SAMMSON: variants seen among roughly 807,000 people sequenced by gnomAD.
SAMMSON encodes long intergenic non-protein coding RNA 1212.
At chr3:70,039,357 A>C (rs911421863) in intron 3 of SAMMSON, among the ~76,000 whole-genome samples, 5 of 152,058 alleles carry the variant, frequency 3.3e-5, no homozygotes, top group African/African-American at 1.2e-4. Context: ...GTAGACTTTA[A>C]GTAAGCGAAC....
chr3:70,357,799 G>A (rs1702840658), intron 8 of SAMMSON, among the ~76,000 whole-genome samples: 1 of 152,126 alleles, frequency 6.6e-6, no homozygotes, highest in Admixed American at 6.6e-5. Context: ...ACACATAAGT[G>A]ATTCATATGA....
chr3:70,149,062 C>A (rs1336424443), intron 4 of SAMMSON, among the ~76,000 whole-genome samples: 1 of 152,024 alleles, frequency 6.6e-6, no homozygotes, highest in Non-Finnish European at 1.5e-5. Flanking sequence ...TCTAAAGACA[C>A]CAATTTTGGA....
chr3:70,145,918 G>A (rs1295089386), intron 4 of SAMMSON, among the ~76,000 whole-genome samples: 4 of 151,796 alleles, frequency 2.6e-5, no homozygotes, highest in African/African-American at 7.2e-5. Context: ...AACTGAAAGT[G>A]GATTCTTTGA....
chr3:70,052,103 C>CAAAT (rs1184577455), intron 3 of SAMMSON, among the ~76,000 whole-genome samples: 1 of 151,772 alleles, frequency 6.6e-6, no homozygotes, highest in Non-Finnish European at 1.5e-5. Context: ...GTCTCAAAAA[C>CAAAT]AAATAAATAA....
chr3:70,023,499 A>G (rs906353518), intron 3 of SAMMSON, among the ~76,000 whole-genome samples: 2 of 151,624 alleles, frequency 1.3e-5, no homozygotes, highest in Admixed American at 1.3e-4. Context: ...TATATTCTTT[A>G]TTTATAATAT....
At chr3:70,171,549 G>A (rs1200476253) in intron 4 of SAMMSON, among the ~76,000 whole-genome samples, 1 of 151,688 alleles carries the variant, frequency 6.6e-6, no homozygotes, top group Admixed American at 6.6e-5. Context: ...GTATAGTTTT[G>A]GCTGAAATAA....
At chr3:70,316,147 A>C (rs1399231347) in intron 7 of SAMMSON, among the ~76,000 whole-genome samples, 2 of 152,176 alleles carry the variant, frequency 1.3e-5, no homozygotes, top group African/African-American at 2.4e-5. Context: ...CCAGCAGAAG[A>C]TAATCTTTGC....
intron 4 of SAMMSON, among the ~76,000 whole-genome samples, chr3:70,119,336 G>C (rs976155035): frequency 1.3e-5 from 2 of 152,100 alleles, no homozygotes; most frequent in Non-Finnish European, 2.9e-5. Context: ...CAAAGTGCTG[G>C]GATTACAGGC....
chr3:70,010,897 G>A (rs143480350), intron 1 of SAMMSON, among the ~76,000 whole-genome samples: 4 of 152,064 alleles, frequency 2.6e-5, no homozygotes, highest in East Asian at 3.9e-4. Context: ...ATAAGATCTC[G>A]TGAGACTCAC....
intron 3 of SAMMSON, among the ~76,000 whole-genome samples, chr3:70,015,596 G>A (rs561096599): frequency 6.6e-6 from 1 of 152,138 alleles, no homozygotes; most frequent in Admixed American, 6.5e-5. Context: ...TTAAGTTCTA[G>A]GGTACATGTG....
At chr3:70,180,004 A>ATG (rs10555321) in intron 4 of SAMMSON, among the ~76,000 whole-genome samples, 20,919 of 148,026 alleles carry the variant, frequency 0.14, 2,047 homozygotes, top group East Asian at 0.54. Context: ...TGTGCTTCGT[A>ATG]TGTGTGTGTG....
At chr3:70,299,328 G>A (rs1381346801) in intron 7 of SAMMSON, among the ~76,000 whole-genome samples, 2 of 145,154 alleles carry the variant, frequency 1.4e-5, no homozygotes, top group Non-Finnish European at 3.1e-5. Flanking sequence ...TGCGTTATTT[G>A]TATACACACA....
chr3:70,375,136 G>T (rs1703002850), intron 9 of SAMMSON, among the ~76,000 whole-genome samples: 1 of 152,024 alleles, frequency 6.6e-6, no homozygotes, highest in Non-Finnish European at 1.5e-5. Context: ...AAAGTGGAAG[G>T]CCCCTCAATT....
chr3:70,101,533 T>C (rs1374572597), intron 4 of SAMMSON, among the ~76,000 whole-genome samples: 1 of 152,106 alleles, frequency 6.6e-6, no homozygotes, highest in Admixed American at 6.6e-5. Flanking sequence ...GATTAAAGAG[T>C]GAGAAAATAA....
At chr3:70,211,439 C>T (rs201049593) in intron 4 of SAMMSON, among the ~76,000 whole-genome samples, 3 of 19,184 alleles carry the variant, frequency 1.6e-4, no homozygotes, top group Admixed American at 1.5e-3. Flanking sequence ...CCCTTCCCTT[C>T]CCTTCCTTTC....
intron 1 of SAMMSON, among the ~76,000 whole-genome samples, chr3:70,011,505 A>T (rs901214151): frequency 2.6e-5 from 4 of 152,136 alleles, no homozygotes; most frequent in Non-Finnish European, 4.4e-5. Flanking sequence ...TGTAAATTTA[A>T]CAAAGCCAAC....
intron 4 of SAMMSON, among the ~76,000 whole-genome samples, chr3:70,230,264 A>C (rs17006868): frequency 0.039 from 5,985 of 152,276 alleles, 185 homozygotes; most frequent in South Asian, 0.11. Context: ...ACATAGTTTA[A>C]CACCACCCAA....
intron 7 of SAMMSON, among the ~76,000 whole-genome samples, chr3:70,317,648 G>C (rs141655950): frequency 1.3e-5 from 2 of 151,340 alleles, no homozygotes; most frequent in African/African-American, 4.8e-5. Context: ...ATACACGCGT[G>C]TATAGAAACA....
At chr3:70,052,078 A>G (rs1448652450) in intron 3 of SAMMSON, among the ~76,000 whole-genome samples, 2 of 152,180 alleles carry the variant, frequency 1.3e-5, no homozygotes, top group Non-Finnish European at 2.9e-5. Context: ...AGCCTGGGCA[A>G]TACAGCGAGG....
Sources: allele counts gnomAD v4.1 joint callset (sites outside exome capture counted in the v4.1 genomes callset), GRCh38; gene constraint gnomAD v4.1.1; transcripts MANE v1.5; gene names NCBI Gene and HGNC (gene_info 2026-07-23, HGNC 2026-07-21).